SORCS3: variants seen among roughly 807,000 people sequenced by gnomAD.
SORCS3 encodes the protein VPS10 domain-containing receptor SorCS3.
In SORCS3, 57 loss-of-function variants were observed where a neutral mutation model predicts 146.3. The observed-to-expected ratio is 0.39, with a 90% CI of 0.31 to 0.49. The LOEUF (loss-of-function observed/expected upper bound fraction) is 0.49. Among genes scored for constraint, SORCS3 ranks in the 20% least tolerant of loss-of-function variants. SORCS3 has a pLI of 0.92. For missense variants in SORCS3, 1,341 were observed against 1,575.5 expected, an observed-to-expected ratio of 0.85 and a Z score of 2.52; for synonymous variants, 653 against 618.5, an observed-to-expected ratio of 1.06 and a Z score of -0.83.
At chr10:104,742,251 G>A (rs1279633267) in intron 1 of SORCS3, among the ~76,000 whole-genome samples, 2 of 152,218 alleles carry the variant, frequency 1.3e-5, no homozygotes, top group Admixed American at 6.5e-5. Flanking sequence ...AAGTTTCCCA[G>A]AAAATTGTTT....
intron 4 of SORCS3, among the ~76,000 whole-genome samples, chr10:104,993,444 GTTTGGTA>G (rs2055006205): frequency 6.6e-6 from 1 of 152,218 alleles, no homozygotes; most frequent in Non-Finnish European, 1.5e-5. Flanking sequence ...AATTTGAAGT[GTTTGGTA>G]GAGATACCAG....
At chr10:105,056,603 T>C (rs1193286174) in intron 5 of SORCS3, among the ~76,000 whole-genome samples, 7 of 152,200 alleles carry the variant, frequency 4.6e-5, no homozygotes, top group Non-Finnish European at 8.8e-5. Context: ...TTTCTTGTGA[T>C]GCTTAAGTGC....
chr10:104,765,067 C>T lies in SORCS3; in HGVS notation c.628-77725C>T, dbSNP rs180734736. 3.3e-4 allele frequency among the ~76,000 whole-genome samples: 50 copies of T among 152,326 alleles called. 1 individual carries two copies. The East Asian group carries it at 9.1e-3, about 28-fold the overall frequency. On this transcript the variant is annotated intron_variant, in intron 1 of 26. Transcript: ENST00000369701. Reference sequence around the variant, plus strand: ...CTTAGGTTTGAATCTCTACCAACAGCCAGAGACTCCTATTATTAAGCTCTG... The same window carrying T: ...CTTAGGTTTGAATCTCTACCAACAGTCAGAGACTCCTATTATTAAGCTCTG...
chr10:105,019,424 T>C (rs1018646273), intron 4 of SORCS3, among the ~76,000 whole-genome samples: 9 of 151,696 alleles, frequency 5.9e-5, no homozygotes, highest in African/African-American at 2.2e-4. Flanking sequence ...TTCATATACT[T>C]CATGTTTTAG....
At chr10:105,177,737 G>A (rs1037985528) in intron 13 of SORCS3, among the ~76,000 whole-genome samples, 1 of 152,104 alleles carries the variant, frequency 6.6e-6, no homozygotes, top group South Asian at 2.1e-4. Flanking sequence ...GGGCTGAATG[G>A]ATTGTGCTGT....
chr10:104,787,805 C>T (rs570848284), intron 1 of SORCS3, among the ~76,000 whole-genome samples: 1 of 152,296 alleles, frequency 6.6e-6, no homozygotes, highest in South Asian at 2.1e-4. Context: ...AACTTCAGTG[C>T]AGGGAAACAG....
chr10:105,046,874 G>A (rs960480193), intron 5 of SORCS3, among the ~76,000 whole-genome samples: 2 of 152,050 alleles, frequency 1.3e-5, no homozygotes, highest in African/African-American at 4.8e-5. Context: ...CACCAGGGCT[G>A]TCTAATGCTT....
chr10:104,828,546 G>C (rs2133534829), intron 1 of SORCS3, among the ~76,000 whole-genome samples: 1 of 152,228 alleles, frequency 6.6e-6, no homozygotes, highest in South Asian at 2.1e-4. Context: ...AAAAAAGCTT[G>C]AAATGTTGTG....
chr10:105,008,137 C>T (rs561437339), intron 4 of SORCS3, among the ~76,000 whole-genome samples: 1 of 152,202 alleles, frequency 6.6e-6, no homozygotes, highest in African/African-American at 2.4e-5. Flanking sequence ...TACCAAGCTG[C>T]CTTAGGTCCT....
chr10:104,941,471 T>C (rs1052754072), intron 3 of SORCS3, among the ~76,000 whole-genome samples: 1 of 152,202 alleles, frequency 6.6e-6, no homozygotes, highest in African/African-American at 2.4e-5. Context: ...CAGAGGAGGC[T>C]AACTCTGAAG....
intron 4 of SORCS3, among the ~76,000 whole-genome samples, chr10:105,016,334 A>G (rs148683492): frequency 4.0e-5 from 6 of 150,906 alleles, no homozygotes; most frequent in African/African-American, 1.2e-4. Context: ...TATTTTTAGT[A>G]AAGATAAGGT....
intron 1 of SORCS3, among the ~76,000 whole-genome samples, chr10:104,763,800 G>A (rs552807547): frequency 1.3e-5 from 2 of 152,104 alleles, no homozygotes; most frequent in East Asian, 3.9e-4. Flanking sequence ...TCATGGGGGT[G>A]GTTCCCTGCA....
intron 1 of SORCS3, among the ~76,000 whole-genome samples, chr10:104,684,584 C>T (rs998202492): frequency 9.2e-5 from 14 of 152,128 alleles, no homozygotes; most frequent in South Asian, 2.1e-4. Flanking sequence ...GACCCTGCTG[C>T]TGCTCAGCCC....
chr10:105,094,965 C>T (rs2055735572), intron 6 of SORCS3, among the ~76,000 whole-genome samples: 1 of 152,174 alleles, frequency 6.6e-6, no homozygotes, highest in African/African-American at 2.4e-5. Flanking sequence ...ACAGTTCATG[C>T]TGCACACCAA....
chr10:104,716,399 T>G (rs1466165450), intron 1 of SORCS3, among the ~76,000 whole-genome samples: 1 of 151,982 alleles, frequency 6.6e-6, no homozygotes, highest in Non-Finnish European at 1.5e-5. Flanking sequence ...ATGAAAACAT[T>G]AGGTAGCCTA....
chr10:104,648,316 T>G (rs1458877624), intron 1 of SORCS3, among the ~76,000 whole-genome samples: 2 of 152,190 alleles, frequency 1.3e-5, no homozygotes, highest in Non-Finnish European at 2.9e-5. Context: ...TGCTTATTTT[T>G]TTTTCTCTTG....
intron 6 of SORCS3, among the ~76,000 whole-genome samples, chr10:105,102,846 G>A (rs1391055184): frequency 7.9e-6 from 1 of 127,268 alleles, no homozygotes; most frequent in Non-Finnish European, 1.5e-5. Flanking sequence ...CTGGAGTACC[G>A]TGGCGCGATC....
chr10:105,074,345 T>C (rs924607341), intron 5 of SORCS3, among the ~76,000 whole-genome samples: 1 of 152,148 alleles, frequency 6.6e-6, no homozygotes, highest in African/African-American at 2.4e-5. Flanking sequence ...CAGACAAACA[T>C]AGTACATTCC....
intron 14 of SORCS3, among the ~76,000 whole-genome samples, chr10:105,182,675 A>G (rs1373042276): frequency 3.3e-5 from 5 of 151,984 alleles, no homozygotes; most frequent in African/African-American, 1.2e-4. Flanking sequence ...TATGGTATAA[A>G]TGTGTTTTGT....
Sources: allele counts gnomAD v4.1 joint callset (sites outside exome capture counted in the v4.1 genomes callset), GRCh38; gene constraint gnomAD v4.1.1; transcripts MANE v1.5; gene names NCBI Gene and HGNC (gene_info 2026-07-23, HGNC 2026-07-21).